ZC3H12B: variants seen among roughly 807,000 people sequenced by gnomAD.
ZC3H12B encodes probable ribonuclease ZC3H12B.
Under a neutral mutation model 43.9 loss-of-function variants are expected in ZC3H12B, and 7 were observed. The ratio of observed to expected loss-of-function variants is 0.16; its 90% CI spans 0.09 to 0.30. The LOEUF (loss-of-function observed/expected upper bound fraction) is 0.30. Among genes scored for constraint, ZC3H12B ranks in the 10% least tolerant of loss-of-function variants. The pLI is 1.00. For synonymous variants in ZC3H12B, 222 were observed against 241.7 expected (o/e 0.92, Z 0.76); for missense variants, 475 against 670.2 (o/e 0.71, Z 3.22).
At chrX:65,341,550 A>G in the ZC3H12B span, among the ~76,000 whole-genome samples, 1 of 111,676 alleles carries the variant, frequency 9.0e-6, no homozygotes, top group Non-Finnish European at 1.9e-5. Flanking sequence ...ACTAGGGCCC[A>G]ATATTAAACA....
the ZC3H12B span, chrX:65,357,048 T>TGGG: frequency 1.0e-5 from 6 of 578,188 alleles, no homozygotes; most frequent in African/African-American, 2.2e-5. Context: ...CTTGCTGAGC[T>TGGG]GGGTCTCCTT....
the ZC3H12B span, among the ~76,000 whole-genome samples, chrX:65,138,746 C>A: frequency 1.8e-5 from 2 of 111,493 alleles, no homozygotes; most frequent in Non-Finnish European, 3.8e-5. Flanking sequence ...TACTTTCTAA[C>A]ACTTGATATC....
the ZC3H12B span, among the ~76,000 whole-genome samples, chrX:65,214,686 A>C: frequency 9.0e-6 from 1 of 110,873 alleles, no homozygotes; most frequent in African/African-American, 3.3e-5. Context: ...AACTCACCTA[A>C]ATCTCTGTTA....
chrX:65,362,605 C>A (rs892147053), upstream of ZC3H12B, among the ~76,000 whole-genome samples: 3 of 109,963 alleles, frequency 2.7e-5, no homozygotes, highest in Non-Finnish European at 5.7e-5. Flanking sequence ...AAGTATAGGA[C>A]ATCTCTACTC....
intron 3 of ZC3H12B, among the ~76,000 whole-genome samples, chrX:65,462,446 A>G (rs2067763908): frequency 9.0e-6 from 1 of 111,720 alleles, no homozygotes; most frequent in Non-Finnish European, 1.9e-5. Flanking sequence ...GGGAAGGTGG[A>G]ATTTGCAGTG....
chrX:65,193,390 A>T, the ZC3H12B span, among the ~76,000 whole-genome samples: 1 of 111,423 alleles, frequency 9.0e-6, no homozygotes. Context: ...CTAGGAATTT[A>T]TCCCTTGCTT....
the ZC3H12B span, among the ~76,000 whole-genome samples, chrX:65,162,132 A>T: frequency 9.0e-6 from 1 of 111,416 alleles, no homozygotes; most frequent in African/African-American, 3.3e-5. Context: ...CTGCCACGAG[A>T]TCAGCTGTTA....
the ZC3H12B span, among the ~76,000 whole-genome samples, chrX:65,264,784 T>C: frequency 8.9e-6 from 1 of 111,862 alleles, no homozygotes; most frequent in Non-Finnish European, 1.9e-5. Context: ...CTGTGTACTT[T>C]CCACCATAGT....
chrX:65,278,972 A>G, the ZC3H12B span, among the ~76,000 whole-genome samples: 2 of 111,631 alleles, frequency 1.8e-5, no homozygotes, highest in Non-Finnish European at 3.8e-5. Flanking sequence ...CGCAAAAGAC[A>G]TGATCTTCTT....
At chrX:65,359,612 G>T in the ZC3H12B span, among the ~76,000 whole-genome samples, 6 of 111,993 alleles carry the variant, frequency 5.4e-5, no homozygotes, top group Non-Finnish European at 7.5e-5. Context: ...TGAGCCAGAA[G>T]ATGTAACAGA....
At chrX:65,443,542 T>C (rs2067333625) in intron 3 of ZC3H12B, among the ~76,000 whole-genome samples, 1 of 112,677 alleles carries the variant, frequency 8.9e-6, no homozygotes, top group South Asian at 3.7e-4. Flanking sequence ...TAGCATTGTT[T>C]CTATAGATAT....
the ZC3H12B span, among the ~76,000 whole-genome samples, chrX:65,359,191 T>C: frequency 1.3e-4 from 14 of 111,558 alleles, no homozygotes; most frequent in African/African-American, 4.6e-4. Flanking sequence ...ATTACTTCTA[T>C]TGAAAATGCA....
the ZC3H12B span, among the ~76,000 whole-genome samples, chrX:65,229,169 C>T: frequency 4.5e-5 from 5 of 110,936 alleles, no homozygotes; most frequent in Non-Finnish European, 9.4e-5. Flanking sequence ...CAGCATGGTA[C>T]TGGTACCAAA....
chrX:65,171,661 A>T, the ZC3H12B span, among the ~76,000 whole-genome samples: 1 of 111,049 alleles, frequency 9.0e-6, no homozygotes, highest in Non-Finnish European at 1.9e-5. Flanking sequence ...AGAGGTAGGC[A>T]GGCCTCCTTG....
At chrX:65,446,794 TATG>T (rs2067383487) in intron 3 of ZC3H12B, among the ~76,000 whole-genome samples, 1 of 111,915 alleles carries the variant, frequency 8.9e-6, no homozygotes, top group African/African-American at 3.2e-5. Flanking sequence ...CTTTCCTTCA[TATG>T]ATGTTAAAAC....
chrX:65,148,473 A>G, the ZC3H12B span, among the ~76,000 whole-genome samples: 3 of 111,428 alleles, frequency 2.7e-5, no homozygotes, highest in Non-Finnish European at 5.7e-5. Context: ...CTTTGGAGGC[A>G]AGCCTAGTGT....
chrX:65,169,295 C>T, the ZC3H12B span, among the ~76,000 whole-genome samples: 7 of 111,738 alleles, frequency 6.3e-5, no homozygotes, highest in African/African-American at 2.3e-4. Context: ...TTATGTACCC[C>T]GTAGTCATTC....
Position 65,439,972 on chromosome X carries a change from G to T in ZC3H12B, n.407+41268G>T, listed in dbSNP as rs1239692054. On this transcript the variant is annotated intron_variant and non_coding_transcript_variant, in intron 3 of 5. Transcript: ENST00000617377. Reference sequence around the variant, plus strand: ...AATCGGCTGTTGATTTTGGCCTGGAGAAATACAAGCATAAGCTCTACCCCA... The same window carrying T: ...AATCGGCTGTTGATTTTGGCCTGGATAAATACAAGCATAAGCTCTACCCCA... Among the ~76,000 whole-genome samples the T allele has an allele frequency of 2.7e-5, 3 of 111,048 alleles. No individual in the cohort carries two copies. In the East Asian group the frequency reaches 8.4e-4, roughly 31 times the overall value.
At chrX:65,085,117 A>C in the ZC3H12B span, among the ~76,000 whole-genome samples, 5 of 111,713 alleles carry the variant, frequency 4.5e-5, no homozygotes, top group African/African-American at 1.3e-4. Flanking sequence ...AGGGGTAGTG[A>C]GGAGATGGGA....
Sources: allele counts gnomAD v4.1 joint callset (sites outside exome capture counted in the v4.1 genomes callset), GRCh38; gene constraint gnomAD v4.1.1; transcripts MANE v1.5; gene names NCBI Gene and HGNC (gene_info 2026-07-23, HGNC 2026-07-21).